Variants in GPR158 observed in about 807,000 individuals in gnomAD.
GPR158 encodes G protein-coupled receptor 158.
In GPR158, 30 loss-of-function variants were observed where a neutral mutation model predicts 78.2. The ratio of observed to expected loss-of-function variants is 0.38; its 90% confidence interval spans 0.29 to 0.52. GPR158 has a LOEUF of 0.52. Ranked by LOEUF, GPR158 falls within the 20% of genes least tolerant of loss-of-function variation. GPR158 has a pLI of 0.83. For missense variants in GPR158, 1,463 were observed against 1,523.5 expected, an observed-to-expected ratio of 0.96 and a Z score of 0.66; for synonymous variants, 581 against 591.1, an observed-to-expected ratio of 0.98 and a Z score of 0.25.
intron 5 of GPR158, among the ~76,000 whole-genome samples, chr10:25,501,125 G>T (rs1835941866): frequency 6.6e-6 from 1 of 152,102 alleles, no homozygotes; most frequent in Non-Finnish European, 1.5e-5. Context: ...GAGCAAGCTG[G>T]GTAGGAGAAA....
intron 2 of GPR158, among the ~76,000 whole-genome samples, chr10:25,269,395 A>G (rs16925521): frequency 0.011 from 1,653 of 152,290 alleles, 25 homozygotes; most frequent in South Asian, 0.057. Flanking sequence ...TGGTAAAATG[A>G]ATTTGAAAAG....
intron 5 of GPR158, among the ~76,000 whole-genome samples, chr10:25,467,767 G>T (rs1456740981): frequency 1.3e-5 from 2 of 152,090 alleles, no homozygotes; most frequent in African/African-American, 4.8e-5. Flanking sequence ...GGCAAAGCGG[G>T]CTGCTTGAAA....
intron 2 of GPR158, among the ~76,000 whole-genome samples, chr10:25,226,753 C>G (rs1853377538): frequency 6.6e-6 from 1 of 152,212 alleles, no homozygotes; most frequent in South Asian, 2.1e-4. Context: ...TACCTAGAAA[C>G]AGTACCTGAC....
At chr10:25,538,906 T>G (rs1183618433) in intron 5 of GPR158, among the ~76,000 whole-genome samples, 11 of 152,200 alleles carry the variant, frequency 7.2e-5, no homozygotes, top group Non-Finnish European at 1.6e-4. Context: ...TGTGAAAGTT[T>G]AGAGCAAAAA....
intron 5 of GPR158, among the ~76,000 whole-genome samples, chr10:25,535,518 T>C (rs1284490326): frequency 6.6e-6 from 1 of 152,198 alleles, no homozygotes; most frequent in African/African-American, 2.4e-5. Context: ...TTCTCCAGTT[T>C]AGCCTTCAGA....
At chr10:25,552,549 T>C (rs984189168) in intron 6 of GPR158, among the ~76,000 whole-genome samples, 1 of 152,216 alleles carries the variant, frequency 6.6e-6, no homozygotes, top group Admixed American at 6.5e-5. Context: ...AGTTTTCTTA[T>C]TTGTCTTCAC....
rs368368242 is a variant in GPR158 at position 25,251,005 on chromosome 10, G to C, written c.1008+29848G>C. On this transcript the variant is annotated intron_variant, in intron 2 of 10. Transcript: ENST00000376351. ...TATGAATCTGGGTGCTCCTGTATTGGGTGCATATATATTTAGGATAGTTAG... is the reference window on the plus strand; with the variant it reads ...TATGAATCTGGGTGCTCCTGTATTGCGTGCATATATATTTAGGATAGTTAG... 8.6e-5 allele frequency among the ~76,000 whole-genome samples: 13 copies of C among 151,554 alleles called. No homozygotes were observed. The East Asian group carries it at 1.7e-3, about 20-fold the overall frequency.
At chr10:25,207,417 G>A (rs1224789244) in intron 1 of GPR158, among the ~76,000 whole-genome samples, 1 of 152,130 alleles carries the variant, frequency 6.6e-6, no homozygotes, top group Non-Finnish European at 1.5e-5. Context: ...CAAGGGACTA[G>A]TTTTTGAGGA....
At chr10:25,431,957 C>T (rs1834914839) in intron 4 of GPR158, among the ~76,000 whole-genome samples, 2 of 151,278 alleles carry the variant, frequency 1.3e-5, no homozygotes, top group South Asian at 4.2e-4. Flanking sequence ...ACATATGTAA[C>T]TAACCTGCAC....
chr10:25,512,065 G>C (rs1588893117), intron 5 of GPR158, among the ~76,000 whole-genome samples: 1 of 152,052 alleles, frequency 6.6e-6, no homozygotes, highest in Non-Finnish European at 1.5e-5. Context: ...TCCTAGTTCT[G>C]TGAAGAATGA....
chr10:25,240,773 GATCA>G (rs1349970384), intron 2 of GPR158, among the ~76,000 whole-genome samples: 1 of 152,064 alleles, frequency 6.6e-6, no homozygotes, highest in African/African-American at 2.4e-5. Flanking sequence ...ATCAATAATT[GATCA>G]ATCAGTAAAT....
At chr10:25,211,293 A>T (rs1342884511) in intron 1 of GPR158, among the ~76,000 whole-genome samples, 1 of 152,200 alleles carries the variant, frequency 6.6e-6, no homozygotes, top group Non-Finnish European at 1.5e-5. Context: ...TATAGAGATT[A>T]AAATCATTAG....
At chr10:25,485,205 A>G (rs2987835) in intron 5 of GPR158, among the ~76,000 whole-genome samples, 77,995 of 151,808 alleles carry the variant, frequency 0.51, 20,260 homozygotes, top group East Asian at 0.8. Flanking sequence ...AAAAGGCTTA[A>G]AAGTACACTG....
chr10:25,404,869 A>G (rs895969866), intron 3 of GPR158, among the ~76,000 whole-genome samples: 3 of 152,076 alleles, frequency 2.0e-5, no homozygotes, highest in Non-Finnish European at 4.4e-5. Context: ...CAGTCATGGA[A>G]AGCTCTCCAT....
At chr10:25,530,552 T>C (rs756268142) in intron 5 of GPR158, among the ~76,000 whole-genome samples, 9 of 152,194 alleles carry the variant, frequency 5.9e-5, no homozygotes, top group Non-Finnish European at 1.2e-4. Flanking sequence ...GCAGGAGTGC[T>C]CTGTTGCTAG....
At chr10:25,256,173 G>GA (rs59576970) in intron 2 of GPR158, among the ~76,000 whole-genome samples, 1,370 of 136,506 alleles carry the variant, frequency 0.01, 13 homozygotes, top group African/African-American at 0.03. Context: ...ACTTTCGACT[G>GA]AAAAAAAAAA....
At chr10:25,377,867 G>T (rs913399217) in intron 2 of GPR158, among the ~76,000 whole-genome samples, 6 of 152,002 alleles carry the variant, frequency 3.9e-5, no homozygotes, top group African/African-American at 1.4e-4. Context: ...GTAGACATAT[G>T]TTTTCAATTG....
At chr10:25,402,448 A>G (rs185773106) in intron 3 of GPR158, among the ~76,000 whole-genome samples, 187 of 152,178 alleles carry the variant, frequency 1.2e-3, no homozygotes, top group African/African-American at 4.2e-3. Flanking sequence ...AGATGATAAT[A>G]TTGTATCAGT....
intron 2 of GPR158, among the ~76,000 whole-genome samples, chr10:25,392,953 G>T (rs926991531): frequency 6.6e-6 from 1 of 152,020 alleles, no homozygotes; most frequent in African/African-American, 2.4e-5. Flanking sequence ...TGCTTTTATT[G>T]ATTTTAATTG....
Sources: allele counts gnomAD v4.1 joint callset (sites outside exome capture counted in the v4.1 genomes callset), GRCh38; gene constraint gnomAD v4.1.1; transcripts MANE v1.5; gene names NCBI Gene and HGNC (gene_info 2026-07-23, HGNC 2026-07-21).